Variants in ZNF257 observed in about 807,000 individuals in gnomAD.
The protein encoded by ZNF257 is zinc finger protein 257.
ZNF257 carries 12 observed loss-of-function variants against 11.9 expected under a neutral mutation model. That is an observed-to-expected ratio of 1.01 (90% CI 0.65 to 1.63). The LOEUF (loss-of-function observed/expected upper bound fraction) is 1.63, where lower values mean the gene tolerates loss of function less well. Among genes scored for constraint, ZNF257 ranks in the 40% most tolerant of loss-of-function variants. The probability of loss-of-function intolerance (pLI) is 0.00; values close to 1 mark genes in which losing one functional copy is unlikely to be tolerated. For synonymous variants in ZNF257, 183 were observed against 222.7 expected (o/e 0.82, Z 1.59); for missense variants, 580 against 665.5 (o/e 0.87, Z 1.41).
intron 1 of ZNF257, among the ~76,000 whole-genome samples, chr19:22,059,839 C>G (rs1201821545): frequency 6.6e-6 from 1 of 151,958 alleles, no homozygotes; most frequent in Non-Finnish European, 1.5e-5. Context: ...CCTCCTACCT[C>G]AGCCCCCCAA....
chr19:22,080,999 T>A (rs1221104124), intron 3 of ZNF257, among the ~76,000 whole-genome samples: 1 of 151,400 alleles, frequency 6.6e-6, no homozygotes, highest in Non-Finnish European at 1.5e-5. Flanking sequence ...CACCTCAGCC[T>A]CCCGAGTTGC....
chr19:22,070,777 A>G (rs765979121), intron 1 of ZNF257, among the ~76,000 whole-genome samples: 7 of 152,036 alleles, frequency 4.6e-5, no homozygotes, highest in Non-Finnish European at 7.4e-5. Context: ...CAACATTGAC[A>G]GGGGACTTGT....
In ZNF257 at chr19:22,088,516, C is replaced by T. The variant is rs1330984181; in HGVS notation, c.766C>T (p.Pro256Ser). 2 of 1,612,814 alleles carry T rather than the reference C, an allele frequency of 1.2e-6. No homozygotes were observed. The highest frequency in any genetic ancestry group is 8.5e-7 in the Non-Finnish European group (1 of 1,179,712). ...QHKVIHTREK[P>S]YKCEECGKAF... ...TAAGGTAATTCATACTAGAGAGAAA[C>T]CCTACAAATGTGAAGAGTGTGGCAA... Residue 256 changes from proline (P) to serine (S), a missense_variant, in exon 4 of 4, where the codon CCC becomes TCC. Physicochemically the swap from Pro to Ser is moderately conservative, Grantham distance 74. Transcript: ENST00000594947.
At chr19:22,079,907 T>C (rs1227325627) in intron 3 of ZNF257, among the ~76,000 whole-genome samples, 2 of 152,098 alleles carry the variant, frequency 1.3e-5, no homozygotes, top group Non-Finnish European at 1.5e-5. Flanking sequence ...GACTTGCCAG[T>C]TTTGCTTTTA....
intron 3 of ZNF257, among the ~76,000 whole-genome samples, chr19:22,081,067 C>T (rs750044400): frequency 6.6e-6 from 1 of 151,562 alleles, no homozygotes; most frequent in Admixed American, 6.6e-5. Context: ...TTAGTAGAGT[C>T]GGGGTTTCAC....
intron 3 of ZNF257, among the ~76,000 whole-genome samples, chr19:22,084,687 ATATTCT>A (rs1454196982): frequency 4.0e-5 from 6 of 150,450 alleles, no homozygotes; most frequent in African/African-American, 1.2e-4. Context: ...CCATTGTTTC[ATATTCT>A]TATTCCATTT....
chr19:22,070,330 T>C (rs1599665957), intron 1 of ZNF257, among the ~76,000 whole-genome samples: 1 of 152,074 alleles, frequency 6.6e-6, no homozygotes, highest in African/African-American at 2.4e-5. Flanking sequence ...CTTTATTCTA[T>C]ACATTTTATA....
chr19:22,056,769 C>T (rs975593599), intron 1 of ZNF257, among the ~76,000 whole-genome samples: 23 of 152,212 alleles, frequency 1.5e-4, no homozygotes, highest in African/African-American at 5.3e-4. Context: ...TAAGCCACCG[C>T]GCCCGGCCGA....
chr19:22,059,138 A>AT (rs1444110127), intron 1 of ZNF257, among the ~76,000 whole-genome samples: 1 of 152,034 alleles, frequency 6.6e-6, no homozygotes, highest in African/African-American at 2.4e-5. Flanking sequence ...TAACTCATGG[A>AT]TTTTTTTCCT....
intron 3 of ZNF257, among the ~76,000 whole-genome samples, chr19:22,077,992 C>T (rs1249578585): frequency 4.0e-5 from 6 of 151,318 alleles, no homozygotes; most frequent in Non-Finnish European, 1.5e-5. Flanking sequence ...GTAATCCTAG[C>T]ACTTTGGGAG....
At chr19:22,069,540 A>G (rs10419184) in intron 1 of ZNF257, among the ~76,000 whole-genome samples, 35,779 of 151,668 alleles carry the variant, frequency 0.24, 5,738 homozygotes, top group African/African-American at 0.46. Context: ...GCCTGAACCC[A>G]GGAGGCGGAG....
Position 22,072,813 on chromosome 19 carries a change from C to G in ZNF257, c.8C>G (p.Pro3Arg), listed in dbSNP as rs772480737. The G allele has an allele frequency of 6.2e-7, 1 of 1,609,814 alleles. No individual in the cohort carries two copies. The highest frequency in any genetic ancestry group is 8.5e-7 in the Non-Finnish European group (1 of 1,178,290). The change falls in exon 2 of 4, where the codon CCA (proline) becomes CGA (arginine). Residue 3 changes from proline (P) to arginine (R), a missense_variant. Coordinates refer to ENST00000594947, the MANE Select transcript of ZNF257 (RefSeq NM_033468.4). MG[P>R]LTIRDVTVEF... The stretch of plus-strand genomic sequence containing the variant: ...CTGTGTTTGTGTGTTTTTCAGGGAC[C>G]ACTGACAATTAGGGATGTGACTGTA...
At chr19:22,058,021 C>T (rs2021689519) in intron 1 of ZNF257, among the ~76,000 whole-genome samples, 1 of 152,094 alleles carries the variant, frequency 6.6e-6, no homozygotes, top group Non-Finnish European at 1.5e-5. Context: ...CTCGGCCTCC[C>T]AAAGTGCTGG....
intron 1 of ZNF257, among the ~76,000 whole-genome samples, chr19:22,059,023 G>A (rs575973681): frequency 3.7e-4 from 56 of 152,024 alleles, no homozygotes; most frequent in Admixed American, 2.9e-3. Flanking sequence ...CCACCTGTTC[G>A]TAATCTCATC....
At position 22,088,196 on chromosome 19, in the gene ZNF257, A is replaced by G. The variant is rs746786422; in HGVS notation, c.446A>G (p.Lys149Arg). ...TTQSKMYQCD[K>R]YVKVFYKFSN... ...CAGAGCAAAATGTATCAATGTGATA[A>G]ATATGTAAAAGTCTTCTATAAGTTT... is the stretch of plus-strand genomic sequence containing the variant. The change falls in exon 4 of 4, where the codon AAA becomes AGA. Residue 149 changes from lysine to arginine, a missense_variant. Transcript: ENST00000594947. 6.2e-7 allele frequency: 1 copy of G among 1,608,084 alleles called. No individual in the cohort carries two copies. The highest frequency in any genetic ancestry group is 1.1e-5 in the South Asian group (1 of 90,398).
chr19:22,072,660 T>A, intron 1 of ZNF257, 149 bp from the exon 2 acceptor site: 1 of 841,428 alleles, frequency 1.2e-6, no homozygotes. Flanking sequence ...ATTTCTGTGT[T>A]AAAAAAATAT....
chr19:22,076,605 T>C (rs78670253), intron 3 of ZNF257, among the ~76,000 whole-genome samples: 7,235 of 152,048 alleles, frequency 0.048, 607 homozygotes, highest in African/African-American at 0.17. Flanking sequence ...TAATGGTACA[T>C]CAGTGTTGCA....
intron 1 of ZNF257, among the ~76,000 whole-genome samples, chr19:22,070,331 A>G (rs940084033): frequency 2.0e-5 from 3 of 151,730 alleles, no homozygotes; most frequent in Admixed American, 2.0e-4. Context: ...TTTATTCTAT[A>G]CATTTTATAA....
In ZNF257 at chr19:22,089,294, A is replaced by G; in HGVS notation, c.1544A>G (p.Tyr515Cys). The G allele has an allele frequency of 6.2e-7, 1 of 1,613,872 alleles. No homozygotes were observed. Among genetic ancestry groups the G allele is most frequent in the Non-Finnish European group, 8.5e-7 (1 of 1,179,882 alleles). ...HKIIHTGEKP[Y>C]KCEECGKPFN... is the part of the protein sequence containing the mutation. ...ATAATTCATACTGGAGAGAAACCCT[A>G]CAAATGTGAAGAATGTGGCAAGCCT... Residue 515 changes from tyrosine to cysteine, a missense_variant, in exon 4 of 4, where the codon TAC (tyrosine) becomes TGC (cysteine). Coordinates refer to ENST00000594947, the MANE Select transcript of ZNF257 (RefSeq NM_033468.4).
Sources: gnomAD v4.1 joint callset for allele counts (sites outside exome capture counted in the v4.1 genomes callset) on GRCh38, gnomAD v4.1.1 for gene constraint, MANE v1.5 for transcripts, NCBI Gene and HGNC (gene_info 2026-07-23, HGNC 2026-07-21) for gene names.